Variants in CLIP4 observed in about 807,000 individuals in gnomAD.
The protein encoded by CLIP4 is CAP-Gly domain containing linker protein family member 4, also known as CAP-Gly domain-containing linker protein 4.
In CLIP4, 47 loss-of-function variants were observed where a neutral mutation model predicts 73.1. The ratio of observed to expected loss-of-function variants is 0.64; its 90% CI spans 0.51 to 0.82. The LOEUF is 0.82. Ranked by LOEUF, CLIP4 falls within the 40% of genes least tolerant of loss-of-function variation. The probability of loss-of-function intolerance (pLI) is 0.00; values close to 1 mark genes in which losing one functional copy is unlikely to be tolerated. For missense variants in CLIP4, 874 were observed against 852.9 expected (o/e 1.02, Z -0.31); for synonymous variants, 306 against 295.4 (o/e 1.04, Z -0.37).
rs759304329 is a variant in CLIP4 at position 29,121,336 on chromosome 2, A to G, written c.-15-38A>G. On this transcript the variant is annotated intron_variant, in intron 1 of 15. Transcript: ENST00000320081. Reference sequence around the variant, plus strand: ...GGCAGTCATTCTAAGTTGCATACAAATAAAGTAGAAACACTTTTTTTTTCT... The same window carrying G: ...GGCAGTCATTCTAAGTTGCATACAAGTAAAGTAGAAACACTTTTTTTTTCT... 25 of 1,553,260 alleles carry G rather than the reference A, an allele frequency of 1.6e-5. No homozygotes were observed. The African/African-American group carries it at 2.6e-4, about 16-fold the overall frequency.
intron 11 of CLIP4, 93 bp downstream of exon 11, chr2:29,157,440 C>G (rs1368819067): frequency 6.3e-7 from 1 of 1,595,732 alleles, no homozygotes; most frequent in Non-Finnish European, 8.6e-7. Context: ...GTAGAAGGAA[C>G]CCTTTACTTC....
At chr2:29,147,598 G>A (rs1275554307) in intron 8 of CLIP4, among the ~76,000 whole-genome samples, 5 of 151,538 alleles carry the variant, frequency 3.3e-5, no homozygotes, top group African/African-American at 1.2e-4. Flanking sequence ...ACAAATAATT[G>A]TACCTATTTA....
intron 3 of CLIP4, 169 bp downstream of exon 3, chr2:29,131,566 C>G: frequency 3.3e-6 from 2 of 603,962 alleles, no homozygotes; most frequent in Non-Finnish European, 5.3e-6. Context: ...ACTATATATT[C>G]TTCTGATTAT....
At chr2:29,155,990 G>A (rs1187670238) in intron 9 of CLIP4, among the ~76,000 whole-genome samples, 2 of 152,214 alleles carry the variant, frequency 1.3e-5, no homozygotes, top group African/African-American at 2.4e-5. Context: ...TTCCAGCCAA[G>A]CTACTCACTA....
At chr2:29,137,184 C>T (rs533739916) in intron 6 of CLIP4, among the ~76,000 whole-genome samples, 4 of 152,172 alleles carry the variant, frequency 2.6e-5, no homozygotes, top group South Asian at 4.2e-4. Flanking sequence ...TCCCACACTC[C>T]CTCCCGTCTT....
At chr2:29,181,491 T>G in intron 15 of CLIP4, 81 bp from the exon 16 acceptor site, 2 of 1,124,680 alleles carry the variant, frequency 1.8e-6, no homozygotes, top group Non-Finnish European at 2.5e-6. Flanking sequence ...ATTCTGAATC[T>G]GGCAGTGGAA....
At chr2:29,114,935 T>G (rs1198958392), upstream of CLIP4, 1 of 152,296 alleles carries the variant, frequency 6.6e-6, no homozygotes, top group Non-Finnish European at 1.5e-5. Context: ...TTCACGACTT[T>G]AGGTGCACAG....
upstream of CLIP4, chr2:29,115,241 C>T (rs1413846466): frequency 1.3e-5 from 2 of 152,248 alleles, no homozygotes; most frequent in Non-Finnish European, 2.9e-5. This position sits in a 1 kb window ranked among gnomAD's most constrained non-coding sequence, Gnocchi z 5.1. Flanking sequence ...AGGCGGTGGG[C>T]ACGCACGGCG....
intron 6 of CLIP4, among the ~76,000 whole-genome samples, chr2:29,141,120 C>T (rs1037092026): frequency 5.3e-5 from 8 of 152,004 alleles, no homozygotes; most frequent in African/African-American, 1.9e-4. Context: ...TTCTAGTTTG[C>T]ATGTATTTGT....
chr2:29,161,134 C>A (rs1013560237), intron 12 of CLIP4, among the ~76,000 whole-genome samples: 4 of 152,112 alleles, frequency 2.6e-5, no homozygotes, highest in Admixed American at 2.6e-4. Flanking sequence ...GCCACCACGC[C>A]CCGCTAATTT....
At chr2:29,112,437 G>T (rs1043596878), upstream of CLIP4, among the ~76,000 whole-genome samples, 16 of 152,236 alleles carry the variant, frequency 1.1e-4, no homozygotes, top group African/African-American at 3.6e-4. Flanking sequence ...TCTCCTTAAA[G>T]TTTTTGCAAG....
intron 14 of CLIP4, among the ~76,000 whole-genome samples, chr2:29,171,182 G>C (rs1667977654): frequency 6.6e-6 from 1 of 152,158 alleles, no homozygotes; most frequent in Non-Finnish European, 1.5e-5. Context: ...TATAGATCAA[G>C]TTGGGAAGAA....
rs184820320 is a variant in CLIP4, at chr2:29,143,704, T to G, written c.649-5T>G. On this transcript the variant is annotated splice_polypyrimidine_tract_variant and splice_region_variant and intron_variant, in intron 6 of 15. Coordinates refer to ENST00000320081, the MANE Select transcript of CLIP4 (RefSeq NM_024692.6). ...TGAACATTTTTCTCTTATCTTTATT[T>G]GTAGAATGACAAAGGACAGATCCCT... The G allele has an allele frequency of 2.5e-3, 4,036 of 1,587,622 alleles. 8 individuals are homozygous for G. The highest frequency in any genetic ancestry group is 3.2e-3 in the Non-Finnish European group (3,697 of 1,156,554).
chr2:29,136,709 A>T (rs1665389174), intron 6 of CLIP4, among the ~76,000 whole-genome samples: 1 of 152,070 alleles, frequency 6.6e-6, no homozygotes, highest in Non-Finnish European at 1.5e-5. Flanking sequence ...TACTGAAGGG[A>T]GGGTGAGGAA....
intron 12 of CLIP4, among the ~76,000 whole-genome samples, chr2:29,163,395 C>A (rs143253778): frequency 2.0e-5 from 3 of 152,050 alleles, no homozygotes; most frequent in African/African-American, 7.2e-5. Flanking sequence ...TTGTGGTGTT[C>A]TAATGTTAGG....
At chr2:29,103,958 C>T (rs544388074) in intron 1 of CLIP4, among the ~76,000 whole-genome samples, 16 of 152,090 alleles carry the variant, frequency 1.1e-4, no homozygotes, top group South Asian at 2.1e-4. Flanking sequence ...CCACCTGCCT[C>T]GGCCTCCCAA....
intron 15 of CLIP4, among the ~76,000 whole-genome samples, chr2:29,180,842 GT>G (rs1668605269): frequency 2.1e-5 from 1 of 46,622 alleles, no homozygotes; most frequent in Non-Finnish European, 5.5e-5. Context: ...ATATATGTAT[GT>G]GTGTGTGTGT....
In CLIP4 at chr2:29,143,727, C is replaced by A; in HGVS notation, c.667C>A (p.Pro223Thr). ...TTTGTAGAATGACAAAGGACAGATC[C>A]CTGCTGATGTTGTTCCAGACCCAGT... ...PAFRNDKGQIPADVVPDPVDM... is the reference protein window; with the variant it reads ...PAFRNDKGQITADVVPDPVDM... The change falls in exon 7 of 16, where the codon CCT becomes ACT. Residue 223 changes from proline to threonine, a missense_variant. Transcript: ENST00000320081. The A allele has an allele frequency of 6.2e-7, 1 of 1,611,666 alleles. No individual in the cohort carries two copies. The highest frequency in any genetic ancestry group is 1.7e-5 in the Admixed American group (1 of 60,004).
chr2:29,157,292 C>A lies in CLIP4; in HGVS notation c.1344C>A (p.Ser448Arg). The A allele has an allele frequency of 6.2e-7, 1 of 1,614,118 alleles. No individual in the cohort carries two copies. The highest frequency in any genetic ancestry group is 1.1e-5 in the South Asian group (1 of 91,086). Reference sequence around the variant, plus strand: ...ACCCCAAGAAACAGAATGCAATCAGCAGTAACAAGAAGACAATGAGCAAAA... The same window carrying A: ...ACCCCAAGAAACAGAATGCAATCAGAAGTAACAAGAAGACAATGAGCAAAA... The part of the protein sequence containing the change: ...QSYPKKQNAI[S>R]SNKKTMSKSP... The change falls in exon 11 of 16, where the codon AGC becomes AGA. Residue 448 changes from serine (S) to arginine (R), a missense_variant. Physicochemically the swap from Ser to Arg is moderately radical, Grantham distance 110 (BLOSUM62 -1). Coordinates refer to ENST00000320081, the MANE Select transcript of CLIP4 (RefSeq NM_024692.6).
Sources: gnomAD v4.1 joint callset for allele counts (sites outside exome capture counted in the v4.1 genomes callset) on GRCh38, gnomAD v4.1.1 for gene constraint, Gnocchi (gnomAD v3.1) non-coding constraint, MANE v1.5 for transcripts, NCBI Gene and HGNC (gene_info 2026-07-23, HGNC 2026-07-21) for gene names.